BMP5: variants seen among roughly 807,000 people sequenced by gnomAD.
BMP5 encodes the protein bone morphogenetic protein 5.
A neutral mutation model predicts 46.6 loss-of-function variants in BMP5; 23 were observed. The ratio of observed to expected loss-of-function variants is 0.49; its 90% CI spans 0.35 to 0.70. The LOEUF (loss-of-function observed/expected upper bound fraction) is 0.70. Among genes scored for constraint, BMP5 ranks in the 30% least tolerant of loss-of-function variants. BMP5 has a pLI of 0.00. For missense variants in BMP5, 545 were observed against 565.6 expected (o/e 0.96, Z 0.37); for synonymous variants, 204 against 191.9 (o/e 1.06, Z -0.52).
chr6:55,823,166 C>T (rs566179677), intron 1 of BMP5, among the ~76,000 whole-genome samples: 2 of 152,126 alleles, frequency 1.3e-5, no homozygotes, highest in South Asian at 2.1e-4. Context: ...TATAAATCTT[C>T]GTTCAATACC....
At chr6:55,855,787 T>G (rs900758241) in intron 1 of BMP5, among the ~76,000 whole-genome samples, 21 of 152,320 alleles carry the variant, frequency 1.4e-4, no homozygotes, top group African/African-American at 4.8e-4. Flanking sequence ...TTTGATAAAT[T>G]TTTAAGTATT....
intron 1 of BMP5, among the ~76,000 whole-genome samples, chr6:55,842,799 T>C (rs1037915388): frequency 1.3e-5 from 2 of 152,184 alleles, no homozygotes; most frequent in Admixed American, 6.6e-5. Flanking sequence ...TTATTTGTTT[T>C]GTTGTGTTAT....
rs374056092 is a variant in BMP5 at position 55,755,607 on chromosome 6, A to G, written c.1291T>C (p.Tyr431His). The change falls in exon 7 of 7, where the codon TAC (tyrosine) becomes CAC (histidine). Residue 431 changes from tyrosine (Y) to histidine (H), a missense_variant. Tyr to His is a moderately conservative substitution (Grantham distance 83, BLOSUM62 2). Coordinates refer to ENST00000370830, the MANE Select transcript of BMP5 (RefSeq NM_021073.4). ...PTKLNAISVLYFDDSSNVILK... is the reference protein window; with the variant it reads ...PTKLNAISVLHFDDSSNVILK... ...ATGACATTGGAGCTGTCATCAAAGT[A>G]CAGAACAGAGATGGCATTTAATTTG... 3.5e-5 allele frequency: 57 copies of G among 1,612,234 alleles called. No homozygotes were observed. Among genetic ancestry groups the G allele is most frequent in the Non-Finnish European group, 4.4e-5 (52 of 1,178,800 alleles).
intron 1 of BMP5, among the ~76,000 whole-genome samples, chr6:55,867,821 C>T (rs938686930): frequency 3.9e-5 from 6 of 152,130 alleles, no homozygotes; most frequent in African/African-American, 7.2e-5. Flanking sequence ...AGATAAGCAA[C>T]CAGACGCACA....
At chr6:55,851,805 A>G (rs1777250400) in intron 1 of BMP5, among the ~76,000 whole-genome samples, 1 of 152,172 alleles carries the variant, frequency 6.6e-6, no homozygotes, top group Admixed American at 6.5e-5. Context: ...AATAAAAAAA[A>G]TCTACATTCC....
rs1073473 is a variant in BMP5 at position 55,844,653 on chromosome 6, C to T, written c.491-24806G>A. 2.6e-5 allele frequency among the ~76,000 whole-genome samples: 4 copies of T among 151,744 alleles called. No homozygotes were observed. The South Asian group carries it at 6.2e-4, about 24-fold the overall frequency. Reference sequence around the variant, plus strand: ...GAATTCAATAATAGGAATACCAATGCTTTTTATTAAAATTTTTATAAATCA... The same window carrying T: ...GAATTCAATAATAGGAATACCAATGTTTTTTATTAAAATTTTTATAAATCA... On this transcript the variant is annotated intron_variant, in intron 1 of 6. Coordinates refer to ENST00000370830, the MANE Select transcript of BMP5 (RefSeq NM_021073.4).
chr6:55,794,068 T>C (rs913008752), intron 3 of BMP5, among the ~76,000 whole-genome samples: 3 of 152,204 alleles, frequency 2.0e-5, no homozygotes, highest in African/African-American at 7.2e-5. Flanking sequence ...ACGTCTTCTT[T>C]ACCTCCCACC....
rs186088107 is a variant in BMP5 at position 55,802,595 on chromosome 6, T to A, written c.684-8168A>T. Among the ~76,000 whole-genome samples, 590 of 151,888 alleles carry A rather than the reference T, an allele frequency of 3.9e-3. 3 individuals carry two copies. The highest frequency in any genetic ancestry group is 9.3e-3 in the Admixed American group (142 of 15,240). On this transcript the variant is annotated intron_variant, in intron 2 of 6. Transcript: ENST00000370830. ...GTGCTTGTCAAAATAAACAGAAAAT[T>A]GATAGCATAGTAAAAGAAGGAAATT... is the stretch of plus-strand genomic sequence containing the variant.
chr6:55,819,679 T>C lies in BMP5; in HGVS notation c.659A>G (p.Gln220Arg). The C allele has an allele frequency of 6.2e-7, 1 of 1,613,112 alleles. No homozygotes were observed. Among genetic ancestry groups the C allele is most frequent in the Non-Finnish European group, 8.5e-7 (1 of 1,179,258 alleles). Reference sequence around the variant, plus strand: ...CCTATTTGTGTATTCCTTGATGATTTGATATATGCTAATCTTAATTGTTTC... The same window carrying C: ...CCTATTTGTGTATTCCTTGATGATTCGATATATGCTAATCTTAATTGTTTC... ...ENETIKISIYQIIKEYTNRDA... is the reference protein window; with the variant it reads ...ENETIKISIYRIIKEYTNRDA... Residue 220 changes from glutamine (Q) to arginine (R), a missense_variant, in exon 2 of 7, where the codon CAA becomes CGA. Transcript: ENST00000370830.
Position 55,874,913 on chromosome 6 carries a change from T to TAAAA in BMP5, c.-52_-49dup. The TAAAA allele has an allele frequency of 2.2e-6, 3 of 1,382,330 alleles. No homozygotes were observed. Among genetic ancestry groups the TAAAA allele is most frequent in the Non-Finnish European group, 2.0e-6 (2 of 1,015,566 alleles). The allele number at this position is 1,382,330 out of a possible 1,614,324, so 85.6% of individuals were successfully genotyped here. A position where few individuals can be genotyped will look rare whatever the true frequency, so the allele number is the denominator to read the frequency against. ...ATATTTTTAGTCCTTCTTGTCCTCT[T>TAAAA]AAAAAAAAAAAAAACCTAAGGTTCT... On this transcript the variant is annotated 5_prime_UTR_variant, in exon 1 of 7. Coordinates refer to ENST00000370830, the MANE Select transcript of BMP5 (RefSeq NM_021073.4).
chr6:55,784,304 A>G (rs1775394984), intron 3 of BMP5, among the ~76,000 whole-genome samples: 2 of 151,902 alleles, frequency 1.3e-5, no homozygotes, highest in Non-Finnish European at 2.9e-5. Flanking sequence ...TTATCCTAAG[A>G]GGACATAACA....
At chr6:55,838,237 A>T (rs1300082057) in intron 1 of BMP5, among the ~76,000 whole-genome samples, 1 of 152,148 alleles carries the variant, frequency 6.6e-6, no homozygotes, top group Non-Finnish European at 1.5e-5. Flanking sequence ...CATAGTGGTT[A>T]TACTAATTTA....
intron 1 of BMP5, among the ~76,000 whole-genome samples, chr6:55,828,815 GAACA>G (rs1776592048): frequency 6.6e-6 from 1 of 151,644 alleles, no homozygotes; most frequent in Non-Finnish European, 1.5e-5. Context: ...TTTTATAGCT[GAACA>G]AACAAATAAA....
chr6:55,812,842 C>A (rs1247722410), intron 2 of BMP5, among the ~76,000 whole-genome samples: 3 of 152,106 alleles, frequency 2.0e-5, no homozygotes. Flanking sequence ...AATTACTTTT[C>A]AAATTGAAAT....
chr6:55,873,351 C>A (rs1777828690), intron 1 of BMP5, among the ~76,000 whole-genome samples: 1 of 151,914 alleles, frequency 6.6e-6, no homozygotes, highest in Non-Finnish European at 1.5e-5. Context: ...CTCAATTCTT[C>A]CCAGTGGATT....
chr6:55,871,746 C>T (rs1212305313), intron 1 of BMP5, among the ~76,000 whole-genome samples: 1 of 151,712 alleles, frequency 6.6e-6, no homozygotes, highest in African/African-American at 2.4e-5. Flanking sequence ...AAGGACAACA[C>T]ACAAGCATTT....
At chr6:55,758,864 A>T in intron 6 of BMP5, 141 bp downstream of exon 6, 1 of 693,054 alleles carries the variant, frequency 1.4e-6, no homozygotes, top group Non-Finnish European at 2.6e-6. Flanking sequence ...CACAGTTGTT[A>T]CTTCAGCTCT....
chr6:55,756,562 A>G (rs1403425277), intron 6 of BMP5, among the ~76,000 whole-genome samples: 2 of 151,958 alleles, frequency 1.3e-5, no homozygotes, highest in Non-Finnish European at 2.9e-5. Context: ...CTTCCCCCAG[A>G]GGAGTTTATG....
intron 3 of BMP5, among the ~76,000 whole-genome samples, chr6:55,784,369 C>T (rs900823697): frequency 3.3e-5 from 5 of 151,780 alleles, no homozygotes; most frequent in African/African-American, 1.2e-4. Flanking sequence ...ATTGTTTATA[C>T]AATGTACATG....
Sources: allele counts gnomAD v4.1 joint callset (sites outside exome capture counted in the v4.1 genomes callset), GRCh38; gene constraint gnomAD v4.1.1; transcripts MANE v1.5; gene names NCBI Gene and HGNC (gene_info 2026-07-23, HGNC 2026-07-21).